Variants in LSAMP observed in about 807,000 individuals in gnomAD.
LSAMP encodes limbic system associated membrane protein, also known as limbic system-associated membrane protein.
Under a neutral mutation model 38.6 loss-of-function variants are expected in LSAMP, and 7 were observed. That is an observed-to-expected ratio of 0.18 (90% confidence interval 0.10 to 0.34). The LOEUF is 0.34. Among genes scored for constraint, LSAMP ranks in the 10% least tolerant of loss-of-function variants. The probability of loss-of-function intolerance (pLI) is 1.00; values close to 1 mark genes in which losing one functional copy is unlikely to be tolerated. For synonymous variants in LSAMP, 154 were observed against 166.8 expected, an observed-to-expected ratio of 0.92 and a Z score of 0.59; for missense variants, 313 against 420.0, an observed-to-expected ratio of 0.75 and a Z score of 2.23.
chr3:116,031,494 C>A (rs898074709), intron 2 of LSAMP, among the ~76,000 whole-genome samples: 9 of 129,562 alleles, frequency 6.9e-5, no homozygotes, highest in Non-Finnish European at 1.1e-4. Flanking sequence ...TTGTAAGGAT[C>A]TCTTAAATGT....
At chr3:115,881,782 C>T (rs1431838738) in intron 3 of LSAMP, among the ~76,000 whole-genome samples, 1 of 152,126 alleles carries the variant, frequency 6.6e-6, no homozygotes, top group Non-Finnish European at 1.5e-5. Context: ...GGGTCATACC[C>T]ATCCCTTCAC....
intron 3 of LSAMP, among the ~76,000 whole-genome samples, chr3:115,918,139 G>A (rs1421991281): frequency 6.6e-6 from 1 of 152,184 alleles, no homozygotes; most frequent in African/African-American, 2.4e-5. Flanking sequence ...TTCTTACTGG[G>A]GGACAAAGAA....
intron 2 of LSAMP, among the ~76,000 whole-genome samples, chr3:116,066,249 C>T (rs923850300): frequency 1.3e-5 from 2 of 152,122 alleles, no homozygotes; most frequent in East Asian, 1.9e-4. Flanking sequence ...AAGTGAGGGT[C>T]GAGCCTAATC....
intron 1 of LSAMP, among the ~76,000 whole-genome samples, chr3:116,391,641 T>C (rs1234635941): frequency 6.7e-6 from 1 of 149,740 alleles, no homozygotes; most frequent in Admixed American, 6.6e-5. Flanking sequence ...AGTGCCACGT[T>C]TGTACTGATT....
At chr3:116,191,268 C>A (rs1710748701) in intron 1 of LSAMP, among the ~76,000 whole-genome samples, 1 of 152,078 alleles carries the variant, frequency 6.6e-6, no homozygotes, top group Non-Finnish European at 1.5e-5. Flanking sequence ...TGTCTATCCT[C>A]CATACACAGA....
chr3:116,440,907 C>T (rs778249086), intron 1 of LSAMP, among the ~76,000 whole-genome samples: 4 of 152,140 alleles, frequency 2.6e-5, no homozygotes, highest in Middle Eastern at 3.2e-3. Context: ...AATCACATAT[C>T]GTATCAAGAA....
intron 1 of LSAMP, among the ~76,000 whole-genome samples, chr3:116,300,016 G>T (rs543421767): frequency 1.3e-5 from 2 of 152,126 alleles, no homozygotes; most frequent in Non-Finnish European, 2.9e-5. Flanking sequence ...TAACCGTGTC[G>T]CCTGAGTCCC....
intron 2 of LSAMP, among the ~76,000 whole-genome samples, chr3:116,022,166 C>T (rs948587168): frequency 1.3e-5 from 2 of 152,114 alleles, no homozygotes; most frequent in Non-Finnish European, 2.9e-5. Flanking sequence ...AGCTTCCTCC[C>T]ATAAGCATGT....
At chr3:116,283,309 A>G (rs1046972634) in intron 1 of LSAMP, among the ~76,000 whole-genome samples, 1 of 152,212 alleles carries the variant, frequency 6.6e-6, no homozygotes, top group African/African-American at 2.4e-5. Flanking sequence ...GAAGAAATAT[A>G]TGATACAATT....
intron 1 of LSAMP, among the ~76,000 whole-genome samples, chr3:116,336,525 G>C (rs1048448157): frequency 2.6e-5 from 4 of 151,816 alleles, no homozygotes; most frequent in Admixed American, 2.6e-4. Context: ...ATCATTAGTG[G>C]AAAGCAAATA....
At chr3:116,406,070 T>A (rs1321149625) in intron 1 of LSAMP, among the ~76,000 whole-genome samples, 1 of 152,256 alleles carries the variant, frequency 6.6e-6, no homozygotes, top group South Asian at 2.1e-4. Context: ...CTATCTTTTT[T>A]AATATTCTCT....
At chr3:116,228,573 TG>T (rs1229565961) in intron 1 of LSAMP, among the ~76,000 whole-genome samples, 2 of 152,060 alleles carry the variant, frequency 1.3e-5, no homozygotes, top group African/African-American at 2.4e-5. Context: ...GGTAAATATA[TG>T]GAGTAAGTAC....
chr3:116,403,880 A>G (rs1025183569), intron 1 of LSAMP, among the ~76,000 whole-genome samples: 3 of 151,822 alleles, frequency 2.0e-5, no homozygotes, highest in African/African-American at 7.3e-5. Context: ...CCTTCTGAGC[A>G]TCAGGGACTA....
chr3:116,330,458 T>G (rs1204631380), intron 1 of LSAMP, among the ~76,000 whole-genome samples: 1 of 152,096 alleles, frequency 6.6e-6, no homozygotes, highest in Non-Finnish European at 1.5e-5. Flanking sequence ...AAGAAGCAGG[T>G]AACCGTTATT....
intron 1 of LSAMP, among the ~76,000 whole-genome samples, chr3:116,132,811 G>A (rs1009990150): frequency 1.3e-5 from 2 of 152,140 alleles, no homozygotes; most frequent in East Asian, 3.9e-4. Context: ...GTTTATGTTG[G>A]CCCTGGAATA....
chr3:116,052,564 G>C (rs1012257627), intron 2 of LSAMP, among the ~76,000 whole-genome samples: 1 of 152,146 alleles, frequency 6.6e-6, no homozygotes, highest in Non-Finnish European at 1.5e-5. Context: ...TGGTAGGTAA[G>C]CACCGTCCCC....
At chr3:115,878,725 G>A (rs965745053) in intron 3 of LSAMP, among the ~76,000 whole-genome samples, 1 of 151,986 alleles carries the variant, frequency 6.6e-6, no homozygotes, top group Admixed American at 6.6e-5. Context: ...GCCTCCCAAA[G>A]TGCTGGGATT....
intron 2 of LSAMP, among the ~76,000 whole-genome samples, chr3:116,082,969 T>C (rs950949612): frequency 2.6e-5 from 4 of 152,180 alleles, no homozygotes; most frequent in African/African-American, 9.7e-5. Flanking sequence ...TGTAACCCTA[T>C]GTACAACAAA....
intron 6 of LSAMP, among the ~76,000 whole-genome samples, chr3:115,839,036 C>A (rs1248062652): frequency 6.6e-6 from 1 of 152,162 alleles, no homozygotes; most frequent in Non-Finnish European, 1.5e-5. Context: ...ACAGTGCTTC[C>A]GTCAGGGCCG....
Sources: allele counts gnomAD v4.1 joint callset (sites outside exome capture counted in the v4.1 genomes callset), GRCh38; gene constraint gnomAD v4.1.1; transcripts MANE v1.5; gene names NCBI Gene and HGNC (gene_info 2026-07-23, HGNC 2026-07-21).